Variants in OSTN observed in about 807,000 individuals in gnomAD.
The protein encoded by OSTN is osteocrin.
In OSTN, 9 loss-of-function variants were observed where a neutral mutation model predicts 12.0. The ratio of observed to expected loss-of-function variants is 0.75; its 90% CI spans 0.45 to 1.30. The LOEUF is 1.30. Ranked by LOEUF, OSTN falls within the 50% of genes most tolerant of loss-of-function variation. The pLI, the probability that OSTN is intolerant of heterozygous loss-of-function variation, is 0.00. For synonymous variants in OSTN, 59 were observed against 56.9 expected (o/e 1.04, Z -0.16); for missense variants, 148 against 152.3 (o/e 0.97, Z 0.15).
intron 1 of OSTN, 29 bp from the exon 2 acceptor site, chr3:191,212,504 A>G (rs772884919): frequency 1.4e-6 from 2 of 1,448,784 alleles, no homozygotes; most frequent in Admixed American, 1.8e-5. Context: ...AAACGAATCA[A>G]TGCTAACTAT....
intron 1 of OSTN, 98 bp from the exon 2 acceptor site, chr3:191,212,435 G>A (rs1193603465): frequency 3.8e-6 from 2 of 523,876 alleles, no homozygotes; most frequent in Non-Finnish European, 6.4e-6. Context: ...GAATAATTTG[G>A]CTTACCATTT....
At chr3:191,214,513 G>GAGAT (rs1714555644) in intron 2 of OSTN, among the ~76,000 whole-genome samples, 1 of 149,850 alleles carries the variant, frequency 6.7e-6, no homozygotes, top group Non-Finnish European at 1.5e-5. Flanking sequence ...AGCCAGAAGA[G>GAGAT]AGATTGTCCT....
intron 1 of OSTN, among the ~76,000 whole-genome samples, chr3:191,199,778 T>C (rs1714112385): frequency 6.6e-6 from 1 of 152,126 alleles, no homozygotes; most frequent in Admixed American, 6.6e-5. Flanking sequence ...TAAAACCTAA[T>C]GCATCTTCTG....
chr3:191,233,028 G>A (rs1174893678), intron 3 of OSTN, among the ~76,000 whole-genome samples: 4 of 152,160 alleles, frequency 2.6e-5, no homozygotes, highest in East Asian at 1.9e-4. Context: ...TTAAAACTCT[G>A]AGTCACCAGG....
At chr3:191,247,859 AGTCTCGCGTT>A (rs1486304544) in intron 3 of OSTN, among the ~76,000 whole-genome samples, 3 of 152,136 alleles carry the variant, frequency 2.0e-5, no homozygotes, top group Non-Finnish European at 4.4e-5. Context: ...CCCTGATCAG[AGTCTCGCGTT>A]GTCGCCCAGG....
chr3:191,247,452 G>T (rs9850668), intron 3 of OSTN, among the ~76,000 whole-genome samples: 1 of 151,888 alleles, frequency 6.6e-6, no homozygotes, highest in Non-Finnish European at 1.5e-5. Context: ...TTTTTTCCTA[G>T]TTTTTTTCTC....
intron 3 of OSTN, among the ~76,000 whole-genome samples, chr3:191,233,344 G>A (rs560199910): frequency 4.1e-4 from 63 of 152,148 alleles, no homozygotes; most frequent in Non-Finnish European, 7.9e-4. Flanking sequence ...AATTCTCCGG[G>A]CAACACTAAC....
chr3:191,208,410 G>A (rs1714336070), intron 1 of OSTN, among the ~76,000 whole-genome samples: 1 of 152,198 alleles, frequency 6.6e-6, no homozygotes, highest in Admixed American at 6.6e-5. Context: ...GTGCCAGGGT[G>A]TTTGTTTTCA....
intron 3 of OSTN, among the ~76,000 whole-genome samples, chr3:191,247,588 G>A (rs193107073): frequency 1.4e-4 from 22 of 152,262 alleles, no homozygotes; most frequent in Non-Finnish European, 2.6e-4. Flanking sequence ...TGAATAAGTT[G>A]AAATATGTAA....
chr3:191,228,031 C>T (rs768142678), intron 3 of OSTN, among the ~76,000 whole-genome samples: 36 of 152,076 alleles, frequency 2.4e-4, no homozygotes, highest in Non-Finnish European at 4.1e-4. Flanking sequence ...TTTCACAATG[C>T]AAACTCAACT....
intron 4 of OSTN, among the ~76,000 whole-genome samples, chr3:191,261,231 G>T (rs1576942519): frequency 6.6e-6 from 1 of 152,178 alleles, no homozygotes; most frequent in South Asian, 2.1e-4. Context: ...TGCGGCAGAT[G>T]TAAGATTAAA....
chr3:191,213,907 G>A (rs1482870187), intron 2 of OSTN, among the ~76,000 whole-genome samples: 3 of 151,982 alleles, frequency 2.0e-5, no homozygotes, highest in Admixed American at 6.6e-5. Context: ...CTCCTGTAGG[G>A]TTTCTTTCTG....
chr3:191,244,966 A>G (rs570193026), intron 3 of OSTN, among the ~76,000 whole-genome samples: 2 of 152,200 alleles, frequency 1.3e-5, no homozygotes, highest in African/African-American at 4.8e-5. Flanking sequence ...TTTCACTTAA[A>G]CTCTGCTCTG....
intron 4 of OSTN, 75 bp downstream of exon 4, chr3:191,250,208 TC>T: frequency 8.6e-7 from 1 of 1,157,996 alleles, no homozygotes; most frequent in Non-Finnish European, 1.3e-6. Context: ...ATCAATCCAT[TC>T]TTGCTTATAA....
chr3:191,243,950 T>C (rs983697142), intron 3 of OSTN, among the ~76,000 whole-genome samples: 2 of 152,140 alleles, frequency 1.3e-5, no homozygotes, highest in Non-Finnish European at 1.5e-5. Context: ...AGGGAATTAT[T>C]AGACCAAAAT....
intron 2 of OSTN, among the ~76,000 whole-genome samples, chr3:191,214,964 A>G (rs1386546670): frequency 6.6e-6 from 1 of 152,226 alleles, no homozygotes; most frequent in African/African-American, 2.4e-5. Flanking sequence ...GTGAGCCGAG[A>G]TCAAATCACT....
At chr3:191,207,900 A>G (rs532681590) in intron 1 of OSTN, among the ~76,000 whole-genome samples, 9 of 152,358 alleles carry the variant, frequency 5.9e-5, no homozygotes, top group African/African-American at 1.9e-4. Context: ...TTCAGGGTAT[A>G]GTCAATTCTT....
At chr3:191,240,407 T>C (rs186836134) in intron 3 of OSTN, among the ~76,000 whole-genome samples, 45 of 152,348 alleles carry the variant, frequency 3.0e-4, no homozygotes, top group Admixed American at 2.9e-3. Flanking sequence ...TACATGCTCC[T>C]TAAGTTTTTC....
intron 4 of OSTN, among the ~76,000 whole-genome samples, chr3:191,254,377 C>G (rs73888512): frequency 6.6e-6 from 1 of 152,180 alleles, no homozygotes. Context: ...TATCAGCAGG[C>G]GTGAAGGTTG....
Sources: gnomAD v4.1 joint callset for allele counts (sites outside exome capture counted in the v4.1 genomes callset) on GRCh38, gnomAD v4.1.1 for gene constraint, MANE v1.5 for transcripts, NCBI Gene and HGNC (gene_info 2026-07-23, HGNC 2026-07-21) for gene names.